OR3A2: variants seen among roughly 807,000 people sequenced by gnomAD.
The protein encoded by OR3A2 is olfactory receptor family 3 subfamily A member 2, also known as olfactory receptor 3A2.
For missense variants in OR3A2, 318 were observed against 392.8 expected (o/e 0.81, Z 1.61); for synonymous variants, 126 against 159.3 (o/e 0.79, Z 1.57).
rs561863728 is a variant in OR3A2, at chr17:3,342,566, C to T, written c.-178-6440G>A. On this transcript the variant is annotated intron_variant, in intron 2 of 4. Transcript: ENST00000573491. ...AGTTTGCCGGAAGTCCACTCCAGACCGTTTGCCTGGGTGTCACCAGTGGAG... is the reference window on the plus strand; with the variant it reads ...AGTTTGCCGGAAGTCCACTCCAGACTGTTTGCCTGGGTGTCACCAGTGGAG... Among the ~76,000 whole-genome samples the T allele has an allele frequency of 2.4e-4, 37 of 152,282 alleles. No homozygotes were observed. In the South Asian group the frequency reaches 7.5e-3, roughly 31 times the overall value.
At chr17:3,351,078 T>C (rs1597354137) in intron 2 of OR3A2, among the ~76,000 whole-genome samples, 1 of 151,546 alleles carries the variant, frequency 6.6e-6, no homozygotes, top group East Asian at 1.9e-4. Context: ...GCCAATATCA[T>C]ACTGAATGGG....
Position 3,359,100 on chromosome 17 carries a change from C to A in OR3A2, c.-178-22974G>T, listed in dbSNP as rs924692042. Among the ~76,000 whole-genome samples the A allele has an allele frequency of 1.4e-4, 22 of 151,788 alleles. 1 individual carries two copies. The highest frequency in any genetic ancestry group is 5.4e-4 in the African/African-American group (22 of 41,070). On this transcript the variant is annotated intron_variant, in intron 2 of 4. Coordinates refer to the OR3A2 transcript ENST00000573491. ...GTTTTGTCTGAAATTAGGATTGCAA[C>A]CCCTGCTTCCTTTTTTCTATTTGCT...
chr17:3,326,367 T>C (rs925050126), intron 3 of OR3A2, among the ~76,000 whole-genome samples: 3 of 152,018 alleles, frequency 2.0e-5, no homozygotes, highest in African/African-American at 7.3e-5. Context: ...GAAGAAAATC[T>C]AGGCAATACC....
At chr17:3,292,736 C>A in intron 3 of OR3A2, 1 of 625,122 alleles carries the variant, frequency 1.6e-6, no homozygotes, top group South Asian at 2.1e-5. Flanking sequence ...TTAGGCCACA[C>A]TACACTTGTT....
At chr17:3,298,738 G>A (rs998573686) in intron 3 of OR3A2, among the ~76,000 whole-genome samples, 2 of 152,164 alleles carry the variant, frequency 1.3e-5, no homozygotes, top group Non-Finnish European at 2.9e-5. Context: ...TGGATACAGA[G>A]GCCAGCAAGG....
chr17:3,289,518 C>T (rs531522769), intron 3 of OR3A2, among the ~76,000 whole-genome samples: 6 of 152,194 alleles, frequency 3.9e-5, no homozygotes, highest in African/African-American at 1.4e-4. Flanking sequence ...GCCAGAGGCA[C>T]CAGATCTTTG....
At chr17:3,346,647 T>G (rs1355183507) in intron 2 of OR3A2, among the ~76,000 whole-genome samples, 1 of 144,974 alleles carries the variant, frequency 6.9e-6, no homozygotes, top group African/African-American at 2.6e-5. Context: ...CTTTCCATGG[T>G]TTTTTTTTTT....
At chr17:3,298,767 G>T (rs998850574) in intron 3 of OR3A2, among the ~76,000 whole-genome samples, 1 of 152,168 alleles carries the variant, frequency 6.6e-6, no homozygotes, top group Non-Finnish European at 1.5e-5. Flanking sequence ...GAAGGGAAAG[G>T]AAGCGGGTGA....
chr17:3,339,955 T>C (rs1567560646), intron 2 of OR3A2, among the ~76,000 whole-genome samples: 1 of 152,192 alleles, frequency 6.6e-6, no homozygotes, highest in Non-Finnish European at 1.5e-5. Flanking sequence ...TCAGAGCCTG[T>C]TATTGGTCTA....
chr17:3,325,736 T>A (rs747243824), intron 3 of OR3A2, among the ~76,000 whole-genome samples: 1 of 152,074 alleles, frequency 6.6e-6, no homozygotes, highest in Non-Finnish European at 1.5e-5. Context: ...AGTGTAAAAA[T>A]TGAGGTAAGA....
chr17:3,343,711 T>C (rs908307225), intron 2 of OR3A2, among the ~76,000 whole-genome samples: 1 of 152,286 alleles, frequency 6.6e-6, no homozygotes, highest in Non-Finnish European at 1.5e-5. Context: ...AGCACTGTAT[T>C]GAACAGGAGT....
At chr17:3,315,231 G>C (rs1430137818) in intron 3 of OR3A2, among the ~76,000 whole-genome samples, 1 of 152,170 alleles carries the variant, frequency 6.6e-6, no homozygotes, top group Non-Finnish European at 1.5e-5. Context: ...TCAAATAATA[G>C]CTCTGTTTTA....
At chr17:3,361,744 C>G (rs1179229310) in intron 2 of OR3A2, among the ~76,000 whole-genome samples, 1 of 151,634 alleles carries the variant, frequency 6.6e-6, no homozygotes, top group South Asian at 2.1e-4. Context: ...GTTGAACCAG[C>G]CTTGCATCCC....
intron 3 of OR3A2, among the ~76,000 whole-genome samples, chr17:3,328,383 C>T (rs1597342693): frequency 1.2e-5 from 1 of 80,906 alleles, no homozygotes; most frequent in Non-Finnish European, 2.2e-5. Flanking sequence ...TATAAGAATG[C>T]TTGTGATTTT....
Position 3,311,132 on chromosome 17 carries a change from C to G in OR3A2, c.-85+24901G>C. On this transcript the variant is annotated intron_variant, in intron 3 of 4. Transcript: ENST00000573491. The surrounding 1 kb of genome is among the most constrained non-coding windows in gnomAD (Gnocchi z 4.6). ...GTTCAGTGGAGTCTTCGGACAAGGA[C>G]AAGGGCATTGGCATCCTCAACACTG... The G allele has an allele frequency of 1.8e-6, 1 of 541,050 alleles. No individual in the cohort carries two copies. Among genetic ancestry groups the G allele is most frequent in the Non-Finnish European group, 3.8e-6 (1 of 264,164 alleles). 33.5% of individuals were successfully genotyped at this position (541,050 alleles called of 1,614,324 possible).
chr17:3,310,423 A>C (rs1296156503), intron 3 of OR3A2: 1 of 535,494 alleles, frequency 1.9e-6, no homozygotes, highest in Non-Finnish European at 3.8e-6. Context: ...CTTCTTGCTT[A>C]CGTCACTACC....
chr17:3,335,976 C>T (rs1462774792), intron 3 of OR3A2, 53 bp downstream of exon 2: 1 of 152,308 alleles, frequency 6.6e-6, no homozygotes, highest in East Asian at 1.9e-4. Flanking sequence ...TGCAACATTT[C>T]CACTCTGATT....
At chr17:3,317,882 T>G (rs938018730) in intron 3 of OR3A2, among the ~76,000 whole-genome samples, 2 of 152,044 alleles carry the variant, frequency 1.3e-5, no homozygotes, top group African/African-American at 4.8e-5. Context: ...GCCCTCACTT[T>G]CCATGAATGA....
chr17:3,372,834 G>GAGGAGA (rs1440460809), intron 2 of OR3A2, among the ~76,000 whole-genome samples: 12 of 122,278 alleles, frequency 9.8e-5, no homozygotes, highest in African/African-American at 3.5e-4. Context: ...GAGGGAGAGG[G>GAGGAGA]AGGAGAAGGA....
Sources: gnomAD v4.1 joint callset for allele counts (sites outside exome capture counted in the v4.1 genomes callset) on GRCh38, gnomAD v4.1.1 for gene constraint, Gnocchi (gnomAD v3.1) non-coding constraint, MANE v1.5 for transcripts, NCBI Gene and HGNC (gene_info 2026-07-23, HGNC 2026-07-21) for gene names.